ZNF423: variants seen among roughly 807,000 people sequenced by gnomAD.
ZNF423 encodes zinc finger protein 423, also known as Ebf-associated zinc finger protein.
A neutral mutation model predicts 95.8 loss-of-function variants in ZNF423; 12 were observed. That is an observed-to-expected ratio of 0.13 (90% CI 0.08 to 0.20). ZNF423 has a LOEUF of 0.20. Ranked by LOEUF, ZNF423 falls within the 10% of genes least tolerant of loss-of-function variation. ZNF423 has a pLI of 1.00. For missense variants in ZNF423, 1,316 were observed against 1,737.1 expected (o/e 0.76, Z 4.31); for synonymous variants, 749 against 711.9 (o/e 1.05, Z -0.83).
Position 49,728,798 on chromosome 16 carries a change from T to A in ZNF423, c.301+1973A>T, listed in dbSNP as rs565935352. Among the ~76,000 whole-genome samples, 4 of 152,306 alleles carry A rather than the reference T, an allele frequency of 2.6e-5. No homozygotes were observed. The South Asian group carries it at 8.3e-4, about 32-fold the overall frequency. On this transcript the variant is annotated intron_variant, in intron 3 of 7. Coordinates refer to ENST00000563137, the MANE Select transcript of ZNF423 (RefSeq NM_001379286.1). ...CCCAGGCCAGAGTGCAGTGGCATGA[T>A]CTTGGCTCACCGCAACCTCCATCTC...
chr16:49,768,573 C>T (rs1452060129), intron 2 of ZNF423, among the ~76,000 whole-genome samples: 2 of 152,174 alleles, frequency 1.3e-5, no homozygotes, highest in Non-Finnish European at 2.9e-5. Context: ...GACCTGCCCG[C>T]TCCCAGTTTT....
chr16:49,640,814 C>T (rs1055476438), intron 3 of ZNF423: 6 of 152,514 alleles, frequency 3.9e-5, no homozygotes, highest in Non-Finnish European at 7.3e-5. Context: ...CCTTCTCCCC[C>T]GGGGGCCTCA....
At chr16:49,518,427 A>C (rs1222823356) in intron 7 of ZNF423, 1 of 437,246 alleles carries the variant, frequency 2.3e-6, no homozygotes, top group Non-Finnish European at 4.5e-6. Flanking sequence ...TTTTCTGTAC[A>C]CAGAACACTA....
rs373086098 is a variant in ZNF423 at position 49,562,260 on chromosome 16, G to C, written c.3602-36766C>G. Among the ~76,000 whole-genome samples, 227 of 152,356 alleles carry C rather than the reference G, an allele frequency of 1.5e-3. 3 individuals are homozygous for C. The South Asian group carries it at 0.027, about 18-fold the overall frequency. On this transcript the variant is annotated intron_variant, in intron 5 of 7. Coordinates refer to ENST00000563137, the MANE Select transcript of ZNF423 (RefSeq NM_001379286.1). ...TCTGAGCTTGCTTGGAAAGGATAAT[G>C]GTTAGGACATCAGACAGGTCTCAGT...
intron 2 of ZNF423, among the ~76,000 whole-genome samples, chr16:49,762,382 A>G (rs2033847998): frequency 2.0e-5 from 3 of 152,162 alleles, no homozygotes; most frequent in Admixed American, 2.0e-4. Context: ...GGAGCCCATG[A>G]TGCCCAGACA....
intron 7 of ZNF423, among the ~76,000 whole-genome samples, chr16:49,500,254 G>C (rs1389098034): frequency 6.6e-6 from 1 of 152,128 alleles, no homozygotes; most frequent in Non-Finnish European, 1.5e-5. Context: ...AAGCCCCTTG[G>C]GGACAGGGTA....
At chr16:49,741,034 G>A (rs532490602) in intron 2 of ZNF423, among the ~76,000 whole-genome samples, 7 of 152,160 alleles carry the variant, frequency 4.6e-5, no homozygotes, top group African/African-American at 9.6e-5. Context: ...TCAGTCACTC[G>A]GATAACGAGT....
At chr16:49,642,802 T>TC (rs1491192480) in intron 3 of ZNF423, among the ~76,000 whole-genome samples, 2 of 30,234 alleles carry the variant, frequency 6.6e-5, no homozygotes, top group African/African-American at 2.2e-4. Flanking sequence ...TTCTCTTTTC[T>TC]TTTTTTTTTT....
intron 5 of ZNF423, among the ~76,000 whole-genome samples, chr16:49,592,956 G>T (rs1971056689): frequency 6.6e-6 from 1 of 152,196 alleles, no homozygotes; most frequent in South Asian, 2.1e-4. Context: ...TCGTGCGGTT[G>T]TGGGTCTGGA....
chr16:49,745,353 A>G (rs1186331330), intron 2 of ZNF423, among the ~76,000 whole-genome samples: 1 of 152,198 alleles, frequency 6.6e-6, no homozygotes, highest in Non-Finnish European at 1.5e-5. Flanking sequence ...CTGGGAAGTA[A>G]TTACAGAAAT....
At chr16:49,770,020 A>C (rs2034004451) in intron 2 of ZNF423, among the ~76,000 whole-genome samples, 1 of 151,926 alleles carries the variant, frequency 6.6e-6, no homozygotes, top group African/African-American at 2.4e-5. Flanking sequence ...GGCCACCCCT[A>C]GTGAAAGCAT....
intron 3 of ZNF423, among the ~76,000 whole-genome samples, chr16:49,702,354 G>A (rs934509461): frequency 3.3e-5 from 5 of 152,196 alleles, no homozygotes; most frequent in African/African-American, 9.7e-5. Flanking sequence ...AATCAGCAGC[G>A]AGCCTCGCAC....
chr16:49,709,489 A>C (rs1280787959), intron 3 of ZNF423, among the ~76,000 whole-genome samples: 1 of 152,024 alleles, frequency 6.6e-6, no homozygotes, highest in Non-Finnish European at 1.5e-5. Flanking sequence ...TGGAAACGAG[A>C]CCATGGTCCC....
Position 49,842,402 on chromosome 16 carries a change from AAGGAAGGAAGGCAGGCAGGCAGGC to A in ZNF423, c.40+13309_40+13332del, listed in dbSNP as rs1412376633. Among the ~76,000 whole-genome samples the A allele has an allele frequency of 5.2e-3, 662 of 127,226 alleles. 11 individuals carry two copies. Among genetic ancestry groups the A allele is most frequent in the African/African-American group, 0.019 (613 of 32,642 alleles). The allele number at this position is 127,226 out of a possible 152,430, so 83.5% of individuals were successfully genotyped here. On this transcript the variant is annotated intron_variant, in intron 1 of 7. Transcript: ENST00000563137. Reference sequence around the variant, plus strand: ...GAAGGAAGGAAGGAAGGAAGGAAGGAAGGAAGGAAGGCAGGCAGGCAGGCAGGCAGGCAGGCAGGCAGGCAGGCC... The same window carrying A: ...GAAGGAAGGAAGGAAGGAAGGAAGGAAGGCAGGCAGGCAGGCAGGCAGGCC...
In ZNF423 at chr16:49,488,365, C is replaced by G. The variant is rs772484413; in HGVS notation, c.*2910G>C. On this transcript the variant is annotated 3_prime_UTR_variant, in exon 8 of 8. Coordinates refer to ENST00000563137, the MANE Select transcript of ZNF423 (RefSeq NM_001379286.1). Reference sequence around the variant, plus strand: ...TGGGCAGGTGTTCCATGACAGGGGCCTGTGGCCCAAGGGTCCTGGTCCATT... The same window carrying G: ...TGGGCAGGTGTTCCATGACAGGGGCGTGTGGCCCAAGGGTCCTGGTCCATT... 5.1e-5 allele frequency: 7 copies of G among 137,062 alleles called. No individual in the cohort carries two copies. Among genetic ancestry groups the G allele is most frequent in the Non-Finnish European group, 9.9e-5 (6 of 60,620 alleles). 8.5% of individuals were successfully genotyped at this position (137,062 alleles called of 1,614,324 possible). A position where few individuals can be genotyped will look rare whatever the true frequency, so the allele number is the denominator to read the frequency against.
intron 7 of ZNF423, 55 bp from the exon 8 acceptor site, chr16:49,491,359 C>T (rs947895961): frequency 1.9e-6 from 3 of 1,606,798 alleles, no homozygotes; most frequent in African/African-American, 1.3e-5. Flanking sequence ...AGAGCATGCT[C>T]GTCCCTCCCA....
At chr16:49,833,444 T>C (rs1425070873) in intron 1 of ZNF423, among the ~76,000 whole-genome samples, 2 of 152,192 alleles carry the variant, frequency 1.3e-5, no homozygotes, top group African/African-American at 4.8e-5. Context: ...AACAGGGCTG[T>C]TAAATTCACT....
intron 3 of ZNF423, among the ~76,000 whole-genome samples, chr16:49,718,512 T>C (rs541286457): frequency 5.3e-5 from 8 of 152,188 alleles, no homozygotes; most frequent in Non-Finnish European, 7.3e-5. Context: ...TTTGAGTGCC[T>C]GGAATTGTGG....
chr16:49,847,139 A>C (rs1186938834), intron 1 of ZNF423: 1 of 152,276 alleles, frequency 6.6e-6, no homozygotes, highest in Non-Finnish European at 1.5e-5. Context: ...GGCAAATTTC[A>C]ATTACAGAGA....
Sources: allele counts gnomAD v4.1 joint callset (sites outside exome capture counted in the v4.1 genomes callset), GRCh38; gene constraint gnomAD v4.1.1; transcripts MANE v1.5; gene names NCBI Gene and HGNC (gene_info 2026-07-23, HGNC 2026-07-21).